The following PROX2 variants were observed in gnomAD, a reference collection of about 807,000 sequenced individuals.
The protein encoded by PROX2 is prospero homeobox protein 2.
Under a neutral mutation model 48.9 loss-of-function variants are expected in PROX2, and 46 were observed. The ratio of observed to expected loss-of-function variants is 0.94; its 90% CI spans 0.74 to 1.20. The LOEUF (loss-of-function observed/expected upper bound fraction) is 1.20. Among genes scored for constraint, PROX2 ranks in the 50% most tolerant of loss-of-function variants. The pLI, the probability that PROX2 is intolerant of heterozygous loss-of-function variation, is 0.00. For synonymous variants in PROX2, 260 were observed against 276.6 expected, an observed-to-expected ratio of 0.94 and a Z score of 0.60; for missense variants, 663 against 719.4, an observed-to-expected ratio of 0.92 and a Z score of 0.90.
In PROX2 at chr14:74,863,876, T is replaced by C; in HGVS notation, c.-42A>G. 1 of 1,446,072 alleles carries C rather than the reference T, an allele frequency of 6.9e-7. No individual in the cohort carries two copies. The highest frequency in any genetic ancestry group is 9.0e-7 in the Non-Finnish European group (1 of 1,107,350). 89.6% of individuals were successfully genotyped at this position (1,446,072 alleles called of 1,614,324 possible). A position where few individuals can be genotyped will look rare whatever the true frequency, so the allele number is the denominator to read the frequency against. ...GGGCTTCAGGAATTCCTCCTCCTTA[T>C]TTCCTCAGCTGGAAGTGCACCCAGA... On this transcript the variant is annotated 5_prime_UTR_variant, in exon 3 of 6. Transcript: ENST00000556489.
chr14:74,865,592 C>G (rs1336466432), intron 2 of PROX2, among the ~76,000 whole-genome samples: 1 of 152,236 alleles, frequency 6.6e-6, no homozygotes, highest in Non-Finnish European at 1.5e-5. Flanking sequence ...CCTGTAATCC[C>G]AGCACTTTGG....
intron 4 of PROX2, chr14:74,858,145 C>A: frequency 3.1e-6 from 1 of 325,206 alleles, no homozygotes. Context: ...TTTCCCTCTA[C>A]TTTTCCTGCC....
intron 3 of PROX2, 24 bp from the exon 4 acceptor site, chr14:74,858,538 AAC>A: frequency 7.9e-7 from 1 of 1,273,816 alleles, no homozygotes. Context: ...AAGGAAAATG[AAC>A]ACTTTAAAAT....
At chr14:74,865,152 A>T (rs1368708544) in intron 2 of PROX2, 2 of 107,626 alleles carry the variant, frequency 1.9e-5, no homozygotes, top group African/African-American at 8.2e-5. Flanking sequence ...CTTAAGAAAA[A>T]AAAGAAAAAG....
At chr14:74,866,677 G>C (rs1204932084) in intron 2 of PROX2, among the ~76,000 whole-genome samples, 1 of 152,190 alleles carries the variant, frequency 6.6e-6, no homozygotes, top group Non-Finnish European at 1.5e-5. Context: ...GGAGAAAAAA[G>C]CCTGATTGAC....
At position 74,863,776 on chromosome 14, in the gene PROX2, T is replaced by G; in HGVS notation, c.59A>C (p.Glu20Ala). ...GCTTCTCTCGCCTTCCGTACAAGCT[T>G]CTGCTAGGTGGGAGCAGATCTGGGG... ...PQPQICSHLAEACTEGERSSS... is the reference protein window; with the variant it reads ...PQPQICSHLAAACTEGERSSS... Residue 20 changes from glutamate (E) to alanine (A), a missense_variant, in exon 3 of 6, where the codon GAA (glutamate) becomes GCA (alanine). Glu to Ala is a moderately radical substitution (Grantham distance 107). Transcript: ENST00000556489. 2.6e-6 allele frequency: 4 copies of G among 1,525,196 alleles called. No homozygotes were observed. Among genetic ancestry groups the G allele is most frequent in the Non-Finnish European group, 3.5e-6 (4 of 1,140,912 alleles). 94.5% of individuals were successfully genotyped at this position (1,525,196 alleles called of 1,614,324 possible).
At chr14:74,865,615 G>A (rs1054577235) in intron 2 of PROX2, among the ~76,000 whole-genome samples, 1 of 152,250 alleles carries the variant, frequency 6.6e-6, no homozygotes, top group East Asian at 1.9e-4. Context: ...GGCTGAGGCG[G>A]GTGGATCACA....
rs1206275490 is a variant in PROX2, at chr14:74,876,132, C to T, written c.-547G>A. Among the ~76,000 whole-genome samples, 1 of 152,240 alleles carries T rather than the reference C, an allele frequency of 6.6e-6. No homozygotes were observed. Among genetic ancestry groups the T allele is most frequent in the East Asian group, 1.9e-4 (1 of 5,198 alleles). ...CTGTCTGACAGACCCAGTCTTGCTG[C>T]AGCCGCTGACTCTGGGGACAGTGGG... On this transcript the variant is annotated 5_prime_UTR_variant, in exon 1 of 6. Coordinates refer to ENST00000556489, the MANE Select transcript of PROX2 (RefSeq NM_001243007.2).
chr14:74,868,313 TTATATATATA>T (rs4026383), intron 2 of PROX2, among the ~76,000 whole-genome samples: 4,306 of 53,742 alleles, frequency 0.08, 215 homozygotes, highest in East Asian at 0.13. Context: ...TTTCTCGTAA[TTATATATATA>T]TATATATATA....
intron 2 of PROX2, among the ~76,000 whole-genome samples, chr14:74,869,804 C>T (rs571023681): frequency 4.9e-4 from 75 of 152,210 alleles, no homozygotes; most frequent in Non-Finnish European, 8.5e-4. Context: ...CTTTGATTCT[C>T]AGTAATCTTG....
At chr14:74,868,619 G>A (rs1298455378) in intron 2 of PROX2, among the ~76,000 whole-genome samples, 1 of 151,618 alleles carries the variant, frequency 6.6e-6, no homozygotes, top group Non-Finnish European at 1.5e-5. Flanking sequence ...CGGATCACGA[G>A]GTCAGGAGAT....
chr14:74,861,602 T>C (rs2091795272), intron 3 of PROX2, among the ~76,000 whole-genome samples: 1 of 152,226 alleles, frequency 6.6e-6, no homozygotes, highest in African/African-American at 2.4e-5. Flanking sequence ...CAGATCAGCC[T>C]GGGCCACTCA....
chr14:74,872,747 A>G (rs11851433), intron 1 of PROX2, among the ~76,000 whole-genome samples: 51,224 of 152,016 alleles, frequency 0.34, 8,938 homozygotes, highest in African/African-American at 0.41. Context: ...CCACTCTGCT[A>G]CAGGTCGGAG....
intron 3 of PROX2, chr14:74,861,269 C>CAAG (rs756572578): frequency 7.5e-7 from 1 of 1,327,686 alleles, no homozygotes. Flanking sequence ...AAGCTGCACA[C>CAAG]AAGAAGCAGC....
chr14:74,868,518 C>T (rs2140172726), intron 2 of PROX2, among the ~76,000 whole-genome samples: 1 of 151,256 alleles, frequency 6.6e-6, no homozygotes, highest in South Asian at 2.1e-4. Flanking sequence ...TGATAGATTC[C>T]TTCTTATATT....
rs145500538 is a variant in PROX2, at chr14:74,867,516, C to A, written c.-174-3508G>T. Among the ~76,000 whole-genome samples, 1,458 of 152,298 alleles carry A rather than the reference C, an allele frequency of 9.6e-3. 21 individuals carry two copies. The highest frequency in any genetic ancestry group is 0.034 in the African/African-American group (1,394 of 41,558). On this transcript the variant is annotated intron_variant, in intron 2 of 5. Coordinates refer to ENST00000556489, the MANE Select transcript of PROX2 (RefSeq NM_001243007.2). ...TGTGTTCCCAAGTAGTGCCTGACTG[C>A]CAGATGTTACCAGATGTTTGCTAAC... is the stretch of plus-strand genomic sequence containing the variant.
chr14:74,869,594 G>T (rs548695370), intron 2 of PROX2, among the ~76,000 whole-genome samples: 1 of 152,186 alleles, frequency 6.6e-6, no homozygotes, highest in African/African-American at 2.4e-5. Context: ...TTTACTCTGT[G>T]TATTTCTATA....
chr14:74,858,812 T>TGTG, intron 3 of PROX2: 1 of 178,710 alleles, frequency 5.6e-6, no homozygotes, highest in Non-Finnish European at 1.0e-5. Context: ...GTGTGTGTGG[T>TGTG]GTCTTAGATG....
chr14:74,859,438 A>G (rs775045392), intron 3 of PROX2: 3 of 152,238 alleles, frequency 2.0e-5, no homozygotes, highest in Non-Finnish European at 4.4e-5. Flanking sequence ...GTGAAGGAGT[A>G]AGTGAGTGAA....
Sources: gnomAD v4.1 joint callset for allele counts (sites outside exome capture counted in the v4.1 genomes callset) on GRCh38, gnomAD v4.1.1 for gene constraint, MANE v1.5 for transcripts, NCBI Gene and HGNC (gene_info 2026-07-23, HGNC 2026-07-21) for gene names.